The following RBMS3 variants were observed in gnomAD, a reference collection of about 807,000 sequenced individuals.
The protein encoded by RBMS3 is RNA binding motif single stranded interacting protein 3, also known as RNA-binding motif, single-stranded-interacting protein 3.
In RBMS3, 27 loss-of-function variants were observed where a neutral mutation model predicts 66.8. That is an observed-to-expected ratio of 0.40 (90% CI 0.30 to 0.56). The LOEUF is 0.56. Among genes scored for constraint, RBMS3 ranks in the 20% least tolerant of loss-of-function variants. The pLI, the probability that RBMS3 is intolerant of heterozygous loss-of-function variation, is 0.40. For missense variants in RBMS3, 513 were observed against 549.5 expected (o/e 0.93, Z 0.66); for synonymous variants, 188 against 183.0 (o/e 1.03, Z -0.22).
intron 4 of RBMS3, among the ~76,000 whole-genome samples, chr3:29,609,009 C>T (rs2048403036): frequency 6.6e-6 from 1 of 151,962 alleles, no homozygotes; most frequent in South Asian, 2.1e-4. Context: ...GGAGTGCTTA[C>T]TTCTCACTAT....
At chr3:29,366,708 G>A (rs370411286) in intron 1 of RBMS3, among the ~76,000 whole-genome samples, 1 of 152,070 alleles carries the variant, frequency 6.6e-6, no homozygotes, top group East Asian at 1.9e-4. Flanking sequence ...GAGGGAATGC[G>A]GTATCTCTGG....
intron 1 of RBMS3, among the ~76,000 whole-genome samples, chr3:29,379,342 G>A (rs962454580): frequency 1.3e-5 from 2 of 152,122 alleles, no homozygotes; most frequent in African/African-American, 4.8e-5. Context: ...TAAGAAGTTA[G>A]AGTAACTAGA....
At chr3:29,460,950 C>T (rs997332421) in intron 2 of RBMS3, among the ~76,000 whole-genome samples, 8 of 152,086 alleles carry the variant, frequency 5.3e-5, no homozygotes, top group East Asian at 3.9e-4. Context: ...ATTCATCTGG[C>T]GGACAATGTA....
chr3:29,678,598 C>T (rs1426582590), intron 4 of RBMS3, among the ~76,000 whole-genome samples: 3 of 151,976 alleles, frequency 2.0e-5, no homozygotes, highest in Non-Finnish European at 4.4e-5. Context: ...GAAGAGTCAC[C>T]CACTTGTGAT....
chr3:29,489,731 C>T (rs9815793), intron 3 of RBMS3, among the ~76,000 whole-genome samples: 61,726 of 142,226 alleles, frequency 0.43, 13,818 homozygotes, highest in African/African-American at 0.55. Context: ...AGTAGACCCA[C>T]GTAGCTGTAA....
intron 4 of RBMS3, among the ~76,000 whole-genome samples, chr3:29,636,106 A>G (rs9882825): frequency 0.044 from 6,722 of 151,662 alleles, 426 homozygotes; most frequent in East Asian, 0.33. Context: ...TACACTGTGT[A>G]GATAAATAGT....
At chr3:29,786,457 A>G (rs2056822816) in intron 6 of RBMS3, among the ~76,000 whole-genome samples, 1 of 152,218 alleles carries the variant, frequency 6.6e-6, no homozygotes, top group Non-Finnish European at 1.5e-5. Flanking sequence ...CTACAAGGCC[A>G]TAGTCACAAA....
intron 6 of RBMS3, among the ~76,000 whole-genome samples, chr3:29,811,592 C>CATGA (rs1256669517): frequency 6.6e-6 from 1 of 152,172 alleles, no homozygotes; most frequent in Non-Finnish European, 1.5e-5. Flanking sequence ...GAAGAGAAGG[C>CATGA]ATGAGGCTGC....
At chr3:29,701,473 G>A (rs1010928628) in intron 4 of RBMS3, among the ~76,000 whole-genome samples, 5 of 152,170 alleles carry the variant, frequency 3.3e-5, no homozygotes, top group Admixed American at 6.5e-5. Context: ...GCCCACTCTG[G>A]CCGTGCTTGA....
intron 1 of RBMS3, among the ~76,000 whole-genome samples, chr3:29,374,051 G>A (rs2038342762): frequency 1.3e-5 from 2 of 152,186 alleles, no homozygotes; most frequent in Non-Finnish European, 2.9e-5. Context: ...AGTTTACTGT[G>A]AGGGCTGAGT....
chr3:29,774,809 ACTCTT>A (rs1443338430), intron 6 of RBMS3, among the ~76,000 whole-genome samples: 1 of 151,772 alleles, frequency 6.6e-6, no homozygotes, highest in East Asian at 1.9e-4. Context: ...TTACAAAGCC[ACTCTT>A]CTCTTTTTTA....
intron 4 of RBMS3, among the ~76,000 whole-genome samples, chr3:29,708,261 C>G (rs1034098352): frequency 6.6e-6 from 1 of 152,128 alleles, no homozygotes; most frequent in Non-Finnish European, 1.5e-5. Context: ...CTGATTATCT[C>G]TTGTTTTCAT....
chr3:29,687,331 T>A (rs748134654), intron 4 of RBMS3, among the ~76,000 whole-genome samples: 1 of 152,222 alleles, frequency 6.6e-6, no homozygotes. Context: ...AAGCCATGTG[T>A]TCGTCTTGAA....
chr3:29,953,959 C>G (rs1695857528), intron 12 of RBMS3, among the ~76,000 whole-genome samples: 1 of 151,840 alleles, frequency 6.6e-6, no homozygotes, highest in Non-Finnish European at 1.5e-5. Flanking sequence ...CCATAGTCCT[C>G]TTTTTGTCAA....
intron 7 of RBMS3, among the ~76,000 whole-genome samples, chr3:29,876,946 G>A (rs2059622833): frequency 6.6e-6 from 1 of 152,140 alleles, no homozygotes; most frequent in African/African-American, 2.4e-5. Flanking sequence ...CCATAATGTG[G>A]TCAGATTTGC....
At chr3:29,660,696 C>G (rs920289098) in intron 4 of RBMS3, among the ~76,000 whole-genome samples, 3 of 152,044 alleles carry the variant, frequency 2.0e-5, no homozygotes, top group Admixed American at 2.0e-4. Context: ...GATGTGTAAA[C>G]CTAAATTCTT....
intron 4 of RBMS3, among the ~76,000 whole-genome samples, chr3:29,692,625 T>C (rs1226988102): frequency 2.0e-5 from 3 of 152,174 alleles, no homozygotes; most frequent in African/African-American, 7.2e-5. Context: ...CCCATCATTT[T>C]CTCAGATTCC....
At position 29,309,560 on chromosome 3, in the gene RBMS3, T is replaced by C. The variant is rs1205174716; in HGVS notation, c.75+27804T>C. 2.0e-5 allele frequency among the ~76,000 whole-genome samples: 3 copies of C among 151,024 alleles called. No homozygotes were observed. The East Asian group carries it at 5.9e-4, about 30-fold the overall frequency. On this transcript the variant is annotated intron_variant, in intron 1 of 14. Transcript: ENST00000383767. ...GCACAAACAAGATTAAGAGGGAAAT[T>C]ATAGAAATAAAAGAATTGAAAGATA... is the stretch of plus-strand genomic sequence containing the variant.
chr3:29,473,739 G>A (rs1447884805), intron 2 of RBMS3, among the ~76,000 whole-genome samples: 1 of 152,250 alleles, frequency 6.6e-6, no homozygotes, highest in Non-Finnish European at 1.5e-5. Flanking sequence ...GCAGCTGCTG[G>A]CCCAGGTACT....
Sources: gnomAD v4.1 joint callset for allele counts (sites outside exome capture counted in the v4.1 genomes callset) on GRCh38, gnomAD v4.1.1 for gene constraint, MANE v1.5 for transcripts, NCBI Gene and HGNC (gene_info 2026-07-23, HGNC 2026-07-21) for gene names.